YME1L1: variants seen among roughly 807,000 people sequenced by gnomAD.
The protein encoded by YME1L1 is ATP-dependent zinc metalloprotease YME1L1.
YME1L1 carries 39 observed loss-of-function variants against 90.4 expected under a neutral mutation model. The observed-to-expected ratio is 0.43, with a 90% CI of 0.33 to 0.56. YME1L1 has a LOEUF of 0.56. Ranked by LOEUF, YME1L1 falls within the 20% of genes least tolerant of loss-of-function variation. The pLI is 0.03. For missense variants in YME1L1, 617 were observed against 868.4 expected (o/e 0.71, Z 3.64); for synonymous variants, 284 against 287.3 (o/e 0.99, Z 0.12).
chr10:27,136,215 A>T, intron 5 of YME1L1, 61 bp downstream of exon 5: 1 of 1,320,122 alleles, frequency 7.6e-7, no homozygotes, highest in Non-Finnish European at 1.1e-6. Context: ...CAGATATTGA[A>T]GCTCCTCACT....
rs777159069 is a variant in YME1L1, at chr10:27,154,212, T to G, written c.-2A>C. 2.5e-6 allele frequency: 4 copies of G among 1,589,176 alleles called. No homozygotes were observed. Among genetic ancestry groups the G allele is most frequent in the Non-Finnish European group, 3.4e-6 (4 of 1,167,016 alleles). On this transcript the variant is annotated 5_prime_UTR_variant, in exon 1 of 19. Transcript: ENST00000376016. ...CACCGTGCTCGACAAGGAAAACATC[T>G]CCGGCGGGCCCTCAGCGACCTCACC...
Position 27,142,448 on chromosome 10 carries a change from G to A in YME1L1, c.369C>T (p.Cys123=), listed in dbSNP as rs148052992. Residue 123 remains cysteine, a synonymous_variant, in exon 4 of 19, where the codon TGC becomes TGT. Transcript: ENST00000376016. ...GAGCTCTTGAATGATGTCGATACAA[G>A]CAAGAGGAACGTAATGTACTAAATA... ...LDIFSTLRSS[C]LYRHHSRALQ... 58 of 1,529,522 alleles carry A rather than the reference G, an allele frequency of 3.8e-5. No individual in the cohort carries two copies. The African/African-American group carries it at 7.9e-4, about 21-fold the overall frequency. 94.7% of individuals were successfully genotyped at this position (1,529,522 alleles called of 1,614,324 possible). A position where few individuals can be genotyped will look rare whatever the true frequency, so the allele number is the denominator to read the frequency against.
In YME1L1 at chr10:27,112,086, G is replaced by A. The variant is rs755048106; in HGVS notation, c.2042C>T (p.Thr681Ile). ...SYERAKHILK[T>I]HAKEHKNLAE... ...GAGATTCTTATGCTCCTTTGCATGA[G>A]TTTTCAAGATATGTTTTGCTCGTTC... Residue 681 changes from threonine (T) to isoleucine (I), a missense_variant, in exon 19 of 19, where the codon ACT becomes ATT. By Grantham distance (89) the Thr-to-Ile change is moderately conservative. Around this residue, in one of 4 missense-constraint regions of YME1L1, gnomAD observed 212 missense variants for 330.0 expected, o/e 0.64. Coordinates refer to ENST00000376016, the MANE Select transcript of YME1L1 (RefSeq NM_014263.4). 11 of 1,613,862 alleles carry A rather than the reference G, an allele frequency of 6.8e-6. No homozygotes were observed. Among genetic ancestry groups the A allele is most frequent in the Non-Finnish European group, 9.3e-6 (11 of 1,179,958 alleles).
At chr10:27,143,225 C>T (rs560070551) in intron 3 of YME1L1, among the ~76,000 whole-genome samples, 189 of 151,654 alleles carry the variant, frequency 1.2e-3, no homozygotes, top group South Asian at 3.1e-3. Context: ...CAAAATTAGC[C>T]GGGTGTGGTG....
Position 27,127,395 on chromosome 10 carries a change from A to G in YME1L1, c.859-609T>C, listed in dbSNP as rs188493931. Among the ~76,000 whole-genome samples, 489 of 152,324 alleles carry G rather than the reference A, an allele frequency of 3.2e-3. 4 individuals carry two copies. Among genetic ancestry groups the G allele is most frequent in the Non-Finnish European group, 2.8e-3 (190 of 68,028 alleles). On this transcript the variant is annotated intron_variant, in intron 8 of 18. Coordinates refer to ENST00000376016, the MANE Select transcript of YME1L1 (RefSeq NM_014263.4). ...CAAAGCTTTGTCCATTCCTAGGTCC[A>G]GGAGAAGCGTGTACATATGTTCACC...
At position 27,111,682 on chromosome 10, in the gene YME1L1, A is replaced by C. The variant is rs779920577; in HGVS notation, c.*295T>G. 7 of 439,868 alleles carry C rather than the reference A, an allele frequency of 1.6e-5. No homozygotes were observed. The highest frequency in any genetic ancestry group is 2.0e-5 in the African/African-American group (1 of 50,122). 27.2% of individuals were successfully genotyped at this position (439,868 alleles called of 1,614,324 possible). Reference sequence around the variant, plus strand: ...AATCTAGTAGAGTAACCAAACATAAAATCATTAATTACTTTCAACTTAATA... The same window carrying C: ...AATCTAGTAGAGTAACCAAACATAACATCATTAATTACTTTCAACTTAATA... On this transcript the variant is annotated 3_prime_UTR_variant, in exon 19 of 19. Coordinates refer to ENST00000376016, the MANE Select transcript of YME1L1 (RefSeq NM_014263.4).
In YME1L1 at chr10:27,145,511, G is replaced by C; in HGVS notation, c.248C>G (p.Pro83Arg). The C allele has an allele frequency of 6.2e-7, 1 of 1,613,446 alleles. No homozygotes were observed. Among genetic ancestry groups the C allele is most frequent in the Non-Finnish European group, 8.5e-7 (1 of 1,179,568 alleles). Residue 83 changes from proline to arginine, a missense_variant, in exon 3 of 19, where the codon CCT (proline) becomes CGT (arginine). Pro to Arg is a moderately radical substitution (Grantham distance 103). Coordinates refer to ENST00000376016, the MANE Select transcript of YME1L1 (RefSeq NM_014263.4). ...QIDQLVENLL[P>R]GFCKGKNISS... Reference sequence around the variant, plus strand: ...AATGTTTTTGCCTTTACAAAATCCAGGAAGTAGATTTTCTACCAGCTGATC... The same window carrying C: ...AATGTTTTTGCCTTTACAAAATCCACGAAGTAGATTTTCTACCAGCTGATC...
chr10:27,152,977 T>C (rs549051487), intron 1 of YME1L1, among the ~76,000 whole-genome samples: 30 of 152,336 alleles, frequency 2.0e-4, no homozygotes, highest in Non-Finnish European at 8.8e-5. Context: ...TAATATATCC[T>C]TTACTCCCTG....
Position 27,123,554 on chromosome 10 carries a change from A to G in YME1L1, c.1095T>C (p.Asn365=). The G allele has an allele frequency of 1.2e-6, 2 of 1,613,680 alleles. No homozygotes were observed. Among genetic ancestry groups the G allele is most frequent in the South Asian group, 2.2e-5 (2 of 91,036 alleles). Reference sequence around the variant, plus strand: ...AGATACACCAAAACGTACTAAAAAGATTTCTGATACGGCTGGCTCCCACAC... The same window carrying G: ...AGATACACCAAAACGTACTAAAAAGGTTTCTGATACGGCTGGCTCCCACAC... ...FVGVGASRIR[N]LFREAKANAP... Residue 365 remains asparagine (N), a synonymous_variant, in exon 10 of 19, where the codon AAT becomes AAC. Transcript: ENST00000376016.
At chr10:27,132,896 AT>A (rs1427160951) in intron 7 of YME1L1, among the ~76,000 whole-genome samples, 3 of 152,180 alleles carry the variant, frequency 2.0e-5, no homozygotes, top group Non-Finnish European at 4.4e-5. Context: ...AAAATCAAAA[AT>A]TATTTTCTAC....
chr10:27,148,796 T>G (rs1211643327), intron 2 of YME1L1, 110 bp downstream of exon 2: 7 of 1,405,370 alleles, frequency 5.0e-6, no homozygotes, highest in African/African-American at 4.3e-5. Flanking sequence ...TCAAAAATTA[T>G]ACTCAAATTT....
intron 9 of YME1L1, among the ~76,000 whole-genome samples, chr10:27,124,501 A>G (rs1008991425): frequency 7.2e-5 from 11 of 152,312 alleles, no homozygotes; most frequent in African/African-American, 2.4e-4. Context: ...ACTTCTTTAC[A>G]TACATGTTTG....
intron 17 of YME1L1, among the ~76,000 whole-genome samples, chr10:27,114,893 G>A (rs893274418): frequency 6.6e-6 from 1 of 152,258 alleles, no homozygotes; most frequent in South Asian, 2.1e-4. Flanking sequence ...TGGGCATAGC[G>A]GCACGTGCCT....
At chr10:27,125,747 T>C (rs2056912509) in intron 9 of YME1L1, among the ~76,000 whole-genome samples, 3 of 151,518 alleles carry the variant, frequency 2.0e-5, no homozygotes, top group African/African-American at 4.9e-5. Flanking sequence ...TTCAAACGAT[T>C]CTCCTGCCTC....
rs10829187 is a variant in YME1L1, at chr10:27,114,751, G to T, written c.1921-144C>A. 1.6e-5 allele frequency: 9 copies of T among 567,506 alleles called. No individual in the cohort carries two copies. The South Asian group carries it at 1.7e-4, about 11-fold the overall frequency. The allele number at this position is 567,506 out of a possible 1,614,324, so 35.2% of individuals were successfully genotyped here. On this transcript the variant is annotated intron_variant, in intron 17 of 18. Coordinates refer to ENST00000376016, the MANE Select transcript of YME1L1 (RefSeq NM_014263.4). ...CAATAGAAAACTGCATTTGAGGCCGGGCACAGTGGCTCACACCTGTAATCC... is the reference window on the plus strand; with the variant it reads ...CAATAGAAAACTGCATTTGAGGCCGTGCACAGTGGCTCACACCTGTAATCC...
chr10:27,133,395 A>G (rs1241518512), intron 7 of YME1L1, among the ~76,000 whole-genome samples: 2 of 152,224 alleles, frequency 1.3e-5, no homozygotes, highest in Non-Finnish European at 2.9e-5. Flanking sequence ...TAATTTCCTC[A>G]GAAGAAGCCC....
At chr10:27,136,652 T>C (rs2057030629) in intron 4 of YME1L1, among the ~76,000 whole-genome samples, 1 of 152,098 alleles carries the variant, frequency 6.6e-6, no homozygotes, top group Admixed American at 6.6e-5. Context: ...CTTAAATCTA[T>C]CATGCCCAGC....
At chr10:27,150,516 G>C (rs1203897908) in intron 1 of YME1L1, among the ~76,000 whole-genome samples, 1 of 152,202 alleles carries the variant, frequency 6.6e-6, no homozygotes, top group Non-Finnish European at 1.5e-5. Flanking sequence ...AGGTCATAAA[G>C]ACCGTGATGA....
chr10:27,115,976 T>G, intron 17 of YME1L1, 84 bp downstream of exon 17: 1 of 1,222,798 alleles, frequency 8.2e-7, no homozygotes, highest in Non-Finnish European at 1.2e-6. Context: ...AAGTGAATAT[T>G]ACCAATTTAT....
Sources: allele counts gnomAD v4.1 joint callset (sites outside exome capture counted in the v4.1 genomes callset), GRCh38; gene constraint gnomAD v4.1.1; regional missense constraint gnomAD v4.1.1; transcripts MANE v1.5; gene names NCBI Gene and HGNC (gene_info 2026-07-23, HGNC 2026-07-21).